The following PPP1R9A variants were observed in gnomAD, a reference collection of about 807,000 sequenced individuals.
PPP1R9A encodes the protein neurabin-1.
A neutral mutation model predicts 141.9 loss-of-function variants in PPP1R9A; 59 were observed. The ratio of observed to expected loss-of-function variants is 0.42; its 90% CI spans 0.34 to 0.52. The LOEUF is 0.52. Ranked by LOEUF, PPP1R9A falls within the 20% of genes least tolerant of loss-of-function variation. The probability of loss-of-function intolerance (pLI) is 0.10; values close to 1 mark genes in which losing one functional copy is unlikely to be tolerated. For missense variants in PPP1R9A, 1,444 were observed against 1,611.9 expected, an observed-to-expected ratio of 0.90 and a Z score of 1.78; for synonymous variants, 500 against 569.7, an observed-to-expected ratio of 0.88 and a Z score of 1.74.
chr7:94,954,836 TGTGTGTG>T (rs1796902430), intron 2 of PPP1R9A, among the ~76,000 whole-genome samples: 1 of 19,984 alleles, frequency 5.0e-5, no homozygotes, highest in East Asian at 0.045. Flanking sequence ...TAAATATGCG[TGTGTGTG>T]TGTGTGTGTG....
chr7:95,074,465 GT>G (rs752728522), intron 2 of PPP1R9A, among the ~76,000 whole-genome samples: 52 of 109,724 alleles, frequency 4.7e-4, no homozygotes, highest in East Asian at 8.7e-4. Flanking sequence ...GCTTTTTTTT[GT>G]TTTTTTTTTT....
At chr7:95,109,082 T>C (rs975708260) in intron 2 of PPP1R9A, 1 of 152,210 alleles carries the variant, frequency 6.6e-6, no homozygotes, top group African/African-American at 2.4e-5. Context: ...GCATTTTCCA[T>C]TGCAGTACAC....
chr7:95,099,460 G>A (rs1332220161), intron 2 of PPP1R9A, among the ~76,000 whole-genome samples: 1 of 152,118 alleles, frequency 6.6e-6, no homozygotes, highest in Non-Finnish European at 1.5e-5. Context: ...TAGTTCAATT[G>A]TTTACAATAA....
chr7:95,026,343 A>G (rs1009694862), intron 2 of PPP1R9A, among the ~76,000 whole-genome samples: 1 of 151,378 alleles, frequency 6.6e-6, no homozygotes, highest in Non-Finnish European at 1.5e-5. Flanking sequence ...TCTCTACTGC[A>G]GGTCTGCTGG....
intron 2 of PPP1R9A, among the ~76,000 whole-genome samples, chr7:94,951,202 G>GA (rs924639889): frequency 3.2e-4 from 48 of 149,624 alleles, no homozygotes; most frequent in African/African-American, 5.6e-4. Context: ...TGTTAGAAAA[G>GA]AAAAAAAAAT....
At chr7:95,240,259 T>G (rs1797254595) in intron 8 of PPP1R9A, among the ~76,000 whole-genome samples, 1 of 152,096 alleles carries the variant, frequency 6.6e-6, no homozygotes, top group Non-Finnish European at 1.5e-5. Flanking sequence ...GATGCTTGTA[T>G]TGTTTTCACC....
intron 2 of PPP1R9A, among the ~76,000 whole-genome samples, chr7:95,048,217 G>A (rs1434596464): frequency 1.3e-5 from 2 of 151,996 alleles, no homozygotes; most frequent in African/African-American, 2.4e-5. Flanking sequence ...TTAATAGTTA[G>A]CATCTATTAA....
At chr7:95,259,287 C>CT (rs908863116) in intron 12 of PPP1R9A, among the ~76,000 whole-genome samples, 38 of 144,522 alleles carry the variant, frequency 2.6e-4, no homozygotes, top group Admixed American at 4.8e-4. Flanking sequence ...ACATGGTTGT[C>CT]TTTTTTTTTT....
chr7:95,207,102 C>T (rs1018426470), intron 7 of PPP1R9A, among the ~76,000 whole-genome samples: 1 of 151,214 alleles, frequency 6.6e-6, no homozygotes, highest in African/African-American at 2.4e-5. Context: ...TTCATCTTTA[C>T]TCAAAGAAAA....
chr7:95,283,089 A>G (rs892895757), intron 16 of PPP1R9A, among the ~76,000 whole-genome samples: 22 of 152,098 alleles, frequency 1.4e-4, no homozygotes, highest in Non-Finnish European at 1.9e-4. Flanking sequence ...CATTCCATCA[A>G]ACGGCAAGGG....
intron 2 of PPP1R9A, among the ~76,000 whole-genome samples, chr7:94,997,281 CTT>C (rs892340110): frequency 4.6e-5 from 7 of 151,978 alleles, no homozygotes; most frequent in Non-Finnish European, 1.0e-4. Flanking sequence ...GTTCTAGTCT[CTT>C]TTTTTCACCC....
At chr7:94,952,377 A>C (rs983927314) in intron 2 of PPP1R9A, among the ~76,000 whole-genome samples, 2 of 152,180 alleles carry the variant, frequency 1.3e-5, no homozygotes, top group Admixed American at 1.3e-4. Flanking sequence ...GGTTGGTTCC[A>C]AGTCTTTGCT....
rs1801654253 is a variant in PPP1R9A, at chr7:95,268,563, A to T, written c.2679A>T (p.Ala893=). The change falls in exon 13 of 20, where the codon GCA becomes GCT. Residue 893 remains alanine (A), a synonymous_variant. Coordinates refer to ENST00000433360, the MANE Select transcript of PPP1R9A (RefSeq NM_001166160.2). ...CAATATTCTTAGACTTGAATGAAGCAGTCCCAGAGACAGAGCGCCTGGATT... is the reference window on the plus strand; with the variant it reads ...CAATATTCTTAGACTTGAATGAAGCTGTCCCAGAGACAGAGCGCCTGGATT... ...QDGLSQDLNE[A]VPETERLDSK... 6.2e-7 allele frequency: 1 copy of T among 1,613,090 alleles called. No individual in the cohort carries two copies. Among genetic ancestry groups the T allele is most frequent in the Non-Finnish European group, 8.5e-7 (1 of 1,179,404 alleles).
chr7:95,218,072 A>G (rs1262334641), intron 7 of PPP1R9A, among the ~76,000 whole-genome samples: 6 of 152,008 alleles, frequency 3.9e-5, no homozygotes, highest in East Asian at 1.9e-4. Flanking sequence ...TAGGGTGTCA[A>G]TTTTCTATCT....
intron 2 of PPP1R9A, among the ~76,000 whole-genome samples, chr7:95,100,978 G>A (rs969797680): frequency 1.4e-5 from 2 of 146,960 alleles, no homozygotes; most frequent in African/African-American, 2.5e-5. Flanking sequence ...TCAGCCTCCC[G>A]AGTAGCTGGG....
intron 2 of PPP1R9A, among the ~76,000 whole-genome samples, chr7:94,973,153 A>G (rs1397001405): frequency 1.3e-5 from 2 of 152,216 alleles, no homozygotes; most frequent in Non-Finnish European, 1.5e-5. Context: ...AAATACTGTG[A>G]AAACAAGAAA....
At chr7:95,113,524 C>A (rs1026308107) in intron 3 of PPP1R9A, among the ~76,000 whole-genome samples, 2 of 152,026 alleles carry the variant, frequency 1.3e-5, no homozygotes, top group African/African-American at 4.8e-5. Flanking sequence ...AATTCCAGGC[C>A]AAAAAATACC....
chr7:95,070,611 A>ATATATATATATATATATATG (rs1813671815), intron 2 of PPP1R9A, among the ~76,000 whole-genome samples: 1 of 108,892 alleles, frequency 9.2e-6, no homozygotes, highest in Non-Finnish European at 2.2e-5. Context: ...ATATATATAT[A>ATATATATATATATATATATG]CACACACACA....
intron 1 of PPP1R9A, among the ~76,000 whole-genome samples, chr7:94,908,905 T>G (rs1385276623): frequency 6.6e-6 from 1 of 152,154 alleles, no homozygotes; most frequent in Non-Finnish European, 1.5e-5. Flanking sequence ...AGTGTGTGCC[T>G]CCTCAGCTGA....
Sources: gnomAD v4.1 joint callset for allele counts (sites outside exome capture counted in the v4.1 genomes callset) on GRCh38, gnomAD v4.1.1 for gene constraint, MANE v1.5 for transcripts, NCBI Gene and HGNC (gene_info 2026-07-23, HGNC 2026-07-21) for gene names.